The following HTRA3 variants were observed in gnomAD, a reference collection of about 807,000 sequenced individuals.
HTRA3 encodes the protein serine protease HTRA3.
In HTRA3, 41 loss-of-function variants were observed where a neutral mutation model predicts 43.2. The ratio of observed to expected loss-of-function variants is 0.95; its 90% CI spans 0.74 to 1.23. The LOEUF (loss-of-function observed/expected upper bound fraction) is 1.23. HTRA3 is among the 50% of genes most tolerant of loss of function. HTRA3 has a pLI of 0.00. For missense variants in HTRA3, 628 were observed against 647.1 expected, an observed-to-expected ratio of 0.97 and a Z score of 0.32; for synonymous variants, 295 against 287.9, an observed-to-expected ratio of 1.02 and a Z score of -0.25.
Position 8,295,662 on chromosome 4 carries a change from A to G in HTRA3, c.1051+1461A>G. 3 of 1,393,090 alleles carry G rather than the reference A, an allele frequency of 2.2e-6. No homozygotes were observed. The highest frequency in any genetic ancestry group is 1.5e-5 in the African/African-American group (1 of 67,914). 86.3% of individuals were successfully genotyped at this position (1,393,090 alleles called of 1,614,324 possible). ...ACGCCCAGGCCTGACTCAGCAACTCACACTTCCACATTGCTTTGCTGTCTC... is the reference window on the plus strand; with the variant it reads ...ACGCCCAGGCCTGACTCAGCAACTCGCACTTCCACATTGCTTTGCTGTCTC... On this transcript the variant is annotated intron_variant, in intron 6 of 8. Transcript: ENST00000307358. The surrounding 1 kb of genome is among the most constrained non-coding windows in gnomAD (Gnocchi z 6.9).
intron 1 of HTRA3, among the ~76,000 whole-genome samples, chr4:8,278,652 C>A (rs924572352): frequency 4.6e-5 from 7 of 152,144 alleles, no homozygotes; most frequent in Non-Finnish European, 1.5e-5. Context: ...CCCCACCCCA[C>A]CACCCACCGA....
At chr4:8,283,421 C>T (rs1434681270) in intron 2 of HTRA3, among the ~76,000 whole-genome samples, 2 of 152,230 alleles carry the variant, frequency 1.3e-5, no homozygotes, top group Non-Finnish European at 1.5e-5. Context: ...CACAGAGACC[C>T]TCTGAGCTGG....
chr4:8,292,920 C>T (rs1019585631), intron 5 of HTRA3, among the ~76,000 whole-genome samples: 5 of 152,096 alleles, frequency 3.3e-5, no homozygotes, highest in Admixed American at 1.3e-4. Context: ...TCTGGAGGGA[C>T]GCTGGGCAGG....
At chr4:8,288,122 G>T (rs1288771431) in intron 3 of HTRA3, among the ~76,000 whole-genome samples, 1 of 152,216 alleles carries the variant, frequency 6.6e-6, no homozygotes, top group African/African-American at 2.4e-5. Context: ...CAAGGGAGAG[G>T]AGATTTAATG....
chr4:8,289,727 A>C (rs1209039188), intron 3 of HTRA3, among the ~76,000 whole-genome samples: 1 of 151,866 alleles, frequency 6.6e-6, no homozygotes, highest in Non-Finnish European at 1.5e-5. Context: ...CCTGACCCTC[A>C]CCTGTGCCCC....
At chr4:8,294,308 A>G (rs1207083976) in intron 6 of HTRA3, 107 bp downstream of exon 6, 3 of 774,240 alleles carry the variant, frequency 3.9e-6, no homozygotes, top group Admixed American at 2.3e-5. Context: ...GTGCTGGGTG[A>G]ACTTTGCTCA....
Position 8,269,960 on chromosome 4 carries a change from C to T in HTRA3, c.-9C>T. 8.8e-7 allele frequency: 1 copy of T among 1,140,274 alleles called. No individual in the cohort carries two copies. The highest frequency in any genetic ancestry group is 1.1e-6 in the Non-Finnish European group (1 of 930,108). 70.6% of individuals were successfully genotyped at this position (1,140,274 alleles called of 1,614,324 possible). On this transcript the variant is annotated 5_prime_UTR_variant, in exon 1 of 9. Transcript: ENST00000307358. ...TCCCGCGCTGCCACCCGCCGCCGGC[C>T]CTGCCGCCATGCAGGCGCGAGCGCT... is the stretch of plus-strand genomic sequence containing the variant.
At position 8,273,292 on chromosome 4, in the gene HTRA3, G is replaced by T. The variant is rs530868147; in HGVS notation, c.385+2939G>T. On this transcript the variant is annotated intron_variant, in intron 1 of 8. Transcript: ENST00000307358. ...AGCCTCCATGGAGTATTCCAGCAGC[G>T]TAGCCGGCTTCTGCCCTCCCGAGGT... 4.1e-4 allele frequency among the ~76,000 whole-genome samples: 63 copies of T among 152,296 alleles called. 1 individual carries two copies. The South Asian group carries it at 7.2e-3, about 18-fold the overall frequency.
At chr4:8,277,398 T>A (rs1712571462) in intron 1 of HTRA3, among the ~76,000 whole-genome samples, 1 of 152,168 alleles carries the variant, frequency 6.6e-6, no homozygotes, top group Non-Finnish European at 1.5e-5. Context: ...TCCTGCCCAC[T>A]GCAGCGGGCC....
In HTRA3 at chr4:8,297,897, C is replaced by T. The variant is rs1713509812; in HGVS notation, c.1051+3696C>T. Among the ~76,000 whole-genome samples the T allele has an allele frequency of 6.6e-6, 1 of 152,220 alleles. No individual in the cohort carries two copies. The highest frequency in any genetic ancestry group is 2.4e-5 in the African/African-American group (1 of 41,456). On this transcript the variant is annotated intron_variant, in intron 6 of 8. Coordinates refer to ENST00000307358, the MANE Select transcript of HTRA3 (RefSeq NM_053044.5). The surrounding 1 kb of genome is among the most constrained non-coding windows in gnomAD (Gnocchi z 5.8). ...AGCACCTGTCAAGACCCCCCTGCTC[C>T]TGCAGCCCCACCTGCCGTCCCCACT...
rs1038625522 is a variant in HTRA3, at chr4:8,305,868, G to A, written c.1197-103G>A. 15 of 1,308,468 alleles carry A rather than the reference G, an allele frequency of 1.1e-5. No homozygotes were observed. In the South Asian group the frequency reaches 1.9e-4, roughly 16 times the overall value. 81.1% of individuals were successfully genotyped at this position (1,308,468 alleles called of 1,614,324 possible). A position where few individuals can be genotyped will look rare whatever the true frequency, so the allele number is the denominator to read the frequency against. On this transcript the variant is annotated intron_variant, in intron 8 of 8. Transcript: ENST00000307358. The stretch of plus-strand genomic sequence containing the variant: ...CTTTCCCATCGAGATGACTTTTGTT[G>A]AAATGTTGTCATTGACCCTGACTGT...
intron 2 of HTRA3, among the ~76,000 whole-genome samples, chr4:8,284,712 C>T (rs544358489): frequency 3.3e-5 from 5 of 152,288 alleles, no homozygotes; most frequent in African/African-American, 9.6e-5. Flanking sequence ...CTGGGGTCAC[C>T]GTGTGGGGTG....
At position 8,279,490 on chromosome 4, in the gene HTRA3, G is replaced by A. The variant is rs114973704; in HGVS notation, c.386-2947G>A. Among the ~76,000 whole-genome samples the A allele has an allele frequency of 8.5e-3, 1,293 of 152,158 alleles. 25 individuals are homozygous for A. The highest frequency in any genetic ancestry group is 0.03 in the African/African-American group (1,225 of 41,486). ...TTCAGGCTGCCGCGTCAGAGCTCAG[G>A]GGCCCAGCAGCCCAGGCGCTTGAGG... On this transcript the variant is annotated intron_variant, in intron 1 of 8. Transcript: ENST00000307358. The surrounding 1 kb of genome is among the most constrained non-coding windows in gnomAD (Gnocchi z 7.4).
At chr4:8,281,874 G>C (rs1211560570) in intron 1 of HTRA3, among the ~76,000 whole-genome samples, 1 of 152,210 alleles carries the variant, frequency 6.6e-6, no homozygotes. Context: ...CTCAGAAATT[G>C]GCAGCTCTTT....
At position 8,299,053 on chromosome 4, in the gene HTRA3, G is replaced by A. The variant is rs566784694; in HGVS notation, c.1052-3410G>A. ...CTGATGATCTGATTGGGATTCCATT[G>A]AATTTACAGATCAATTTGGGGAAAT... On this transcript the variant is annotated intron_variant, in intron 6 of 8. Coordinates refer to ENST00000307358, the MANE Select transcript of HTRA3 (RefSeq NM_053044.5). Among the ~76,000 whole-genome samples the A allele has an allele frequency of 2.6e-5, 4 of 152,320 alleles. No homozygotes were observed. The South Asian group carries it at 8.3e-4, about 32-fold the overall frequency.
chr4:8,282,201 C>T (rs1366759340), intron 1 of HTRA3, among the ~76,000 whole-genome samples: 3 of 152,176 alleles, frequency 2.0e-5, no homozygotes, highest in African/African-American at 2.4e-5. Flanking sequence ...AAGCCCAGCA[C>T]GTGGAAGCCT....
chr4:8,277,138 C>A (rs1287818612), intron 1 of HTRA3, among the ~76,000 whole-genome samples: 1 of 152,150 alleles, frequency 6.6e-6, no homozygotes, highest in Non-Finnish European at 1.5e-5. Flanking sequence ...GCATCCACCC[C>A]ACGGGGAGCC....
intron 1 of HTRA3, among the ~76,000 whole-genome samples, chr4:8,281,757 C>T (rs549692098): frequency 2.6e-5 from 4 of 152,352 alleles, no homozygotes; most frequent in Admixed American, 2.0e-4. Flanking sequence ...CTACTGCTGA[C>T]GGCAGCAGGA....
Position 8,295,740 on chromosome 4 carries a change from TC to T in HTRA3, c.1051+1544del. ...TGAGAGCAGGGGGCTTCCTCACGTT[TC>T]CCCCTCCTCCATGACCCCGTCAGCC... On this transcript the variant is annotated intron_variant, in intron 6 of 8. Transcript: ENST00000307358. The surrounding 1 kb of genome is among the most constrained non-coding windows in gnomAD (Gnocchi z 6.9). The T allele has an allele frequency of 1.5e-6, 2 of 1,328,786 alleles. No individual in the cohort carries two copies. The highest frequency in any genetic ancestry group is 1.9e-6 in the Non-Finnish European group (2 of 1,036,836). 82.3% of individuals were successfully genotyped at this position (1,328,786 alleles called of 1,614,324 possible).
Sources: gnomAD v4.1 joint callset for allele counts (sites outside exome capture counted in the v4.1 genomes callset) on GRCh38, gnomAD v4.1.1 for gene constraint, Gnocchi (gnomAD v3.1) non-coding constraint, MANE v1.5 for transcripts, NCBI Gene and HGNC (gene_info 2026-07-23, HGNC 2026-07-21) for gene names.